Variants in NXPE2 observed in about 807,000 individuals in gnomAD.
NXPE2 encodes the protein NXPE family member 2.
NXPE2 carries 34 observed loss-of-function variants against 34.4 expected under a neutral mutation model. The observed-to-expected ratio is 0.99, with a 90% CI of 0.75 to 1.31. The LOEUF is 1.31. Among genes scored for constraint, NXPE2 ranks in the 40% most tolerant of loss-of-function variants. The pLI, the probability that NXPE2 is intolerant of heterozygous loss-of-function variation, is 0.00. For synonymous variants in NXPE2, 235 were observed against 231.3 expected (o/e 1.02, Z -0.15); for missense variants, 649 against 672.5 (o/e 0.97, Z 0.39).
At chr11:114,537,934 T>A in the NXPE2 span, among the ~76,000 whole-genome samples, 1 of 152,086 alleles carries the variant, frequency 6.6e-6, no homozygotes, top group Non-Finnish European at 1.5e-5. Context: ...AAAACTACTT[T>A]AAAGTTCATA....
the NXPE2 span, among the ~76,000 whole-genome samples, chr11:114,808,263 C>G: frequency 3.0e-4 from 46 of 152,140 alleles, no homozygotes; most frequent in South Asian, 6.2e-4. Context: ...AATTGACACC[C>G]TAACATCACA....
the NXPE2 span, among the ~76,000 whole-genome samples, chr11:114,758,058 C>T: frequency 6.6e-6 from 1 of 152,104 alleles, no homozygotes; most frequent in African/African-American, 2.4e-5. Flanking sequence ...ATAGCCTTTT[C>T]CTCCCAGCCT....
the NXPE2 span, among the ~76,000 whole-genome samples, chr11:114,742,710 G>T: frequency 1.2e-4 from 18 of 145,080 alleles, no homozygotes; most frequent in East Asian, 2.9e-3. Context: ...TGTGGGTATT[G>T]GTCAAAGTGG....
the NXPE2 span, chr11:114,583,107 A>T: frequency 7.3e-7 from 1 of 1,362,564 alleles, no homozygotes; most frequent in Non-Finnish European, 1.0e-6. Flanking sequence ...ATGCTATGAA[A>T]TTAACATGTT....
At chr11:114,735,974 C>CG in the NXPE2 span, among the ~76,000 whole-genome samples, 5 of 151,980 alleles carry the variant, frequency 3.3e-5, no homozygotes, top group African/African-American at 9.7e-5. Context: ...GCTGGGTGTC[C>CG]GGGGGAGACA....
chr11:114,685,506 C>A (rs1400817), intron 2 of NXPE2, among the ~76,000 whole-genome samples: 1 of 152,016 alleles, frequency 6.6e-6, no homozygotes, highest in Non-Finnish European at 1.5e-5. Flanking sequence ...CTCTTAATAC[C>A]ATCACATTGA....
At chr11:114,639,802 A>G in the NXPE2 span, among the ~76,000 whole-genome samples, 1 of 55,642 alleles carries the variant, frequency 1.8e-5, no homozygotes, top group Non-Finnish European at 3.5e-5. Flanking sequence ...ATTATATTAA[A>G]TATAAAATAA....
the NXPE2 span, among the ~76,000 whole-genome samples, chr11:114,619,055 G>C: frequency 8.6e-5 from 13 of 151,888 alleles, no homozygotes; most frequent in Admixed American, 7.2e-4. Context: ...GGTAACCACT[G>C]TTACCTGGTG....
the NXPE2 span, among the ~76,000 whole-genome samples, chr11:114,748,398 C>A: frequency 3.2e-4 from 48 of 152,282 alleles, no homozygotes; most frequent in African/African-American, 1.1e-3. Flanking sequence ...CAGACACACT[C>A]AAATTTTGCC....
the NXPE2 span, among the ~76,000 whole-genome samples, chr11:114,633,482 C>G: frequency 2.0e-5 from 3 of 148,870 alleles, no homozygotes; most frequent in Non-Finnish European, 4.4e-5. Flanking sequence ...TATTATTATA[C>G]TTCAAGTTTT....
chr11:114,580,830 C>T, the NXPE2 span, among the ~76,000 whole-genome samples: 2 of 152,208 alleles, frequency 1.3e-5, no homozygotes, highest in Non-Finnish European at 2.9e-5. Flanking sequence ...ATGAATATAG[C>T]TATAGGCTGG....
the NXPE2 span, among the ~76,000 whole-genome samples, chr11:114,617,120 A>T: frequency 1.3e-5 from 2 of 152,080 alleles, no homozygotes; most frequent in African/African-American, 2.4e-5. Context: ...GTGGGTAACC[A>T]CTGTTACCCT....
At chr11:114,477,778 T>TATTGAATTCAATACTTGAACAATTCAAGC in the NXPE2 span, among the ~76,000 whole-genome samples, 1 of 140,800 alleles carries the variant, frequency 7.1e-6, no homozygotes, top group South Asian at 2.2e-4. Context: ...CCAATTCAAG[T>TATTGAATTCAATACTTGAACAATTCAAGC]ATTGAATTCA....
At chr11:114,485,173 T>A in the NXPE2 span, among the ~76,000 whole-genome samples, 2 of 152,114 alleles carry the variant, frequency 1.3e-5, no homozygotes, top group Admixed American at 1.3e-4. Context: ...ACATTTATAC[T>A]TCCCTTGTGT....
At chr11:114,751,953 G>A in the NXPE2 span, among the ~76,000 whole-genome samples, 1 of 152,210 alleles carries the variant, frequency 6.6e-6, no homozygotes. Context: ...GGGGCCTGGA[G>A]CCAAGAAATA....
At chr11:114,546,085 T>A in the NXPE2 span, among the ~76,000 whole-genome samples, 1 of 152,224 alleles carries the variant, frequency 6.6e-6, no homozygotes, top group African/African-American at 2.4e-5. Context: ...CAAATTTAAC[T>A]GTATTACAAA....
chr11:114,789,048 C>G, the NXPE2 span, among the ~76,000 whole-genome samples: 2 of 152,166 alleles, frequency 1.3e-5, no homozygotes, highest in Admixed American at 6.5e-5. Flanking sequence ...TGAATCAACT[C>G]TGGGTCAATG....
At chr11:114,632,451 TAA>T in the NXPE2 span, among the ~76,000 whole-genome samples, 28 of 130,134 alleles carry the variant, frequency 2.2e-4, no homozygotes, top group East Asian at 4.2e-4. Flanking sequence ...ATATAATTTA[TAA>T]GAGTTATACA....
At chr11:114,556,162 A>G in the NXPE2 span, among the ~76,000 whole-genome samples, 2 of 152,192 alleles carry the variant, frequency 1.3e-5, no homozygotes, top group Non-Finnish European at 2.9e-5. Context: ...GAGTTTTCCA[A>G]TTCATGAAAA....
Sources: gnomAD v4.1 joint callset for allele counts (sites outside exome capture counted in the v4.1 genomes callset) on GRCh38, gnomAD v4.1.1 for gene constraint, MANE v1.5 for transcripts, NCBI Gene and HGNC (gene_info 2026-07-23, HGNC 2026-07-21) for gene names.